BABAM2: variants seen among roughly 807,000 people sequenced by gnomAD.
BABAM2 encodes BRISC and BRCA1 A complex member 2.
A neutral mutation model predicts 54.7 loss-of-function variants in BABAM2; 31 were observed. The observed-to-expected ratio is 0.57, with a 90% confidence interval of 0.43 to 0.77. The LOEUF is 0.77. Ranked by LOEUF, BABAM2 falls within the 30% of genes least tolerant of loss-of-function variation. The pLI, the probability that BABAM2 is intolerant of heterozygous loss-of-function variation, is 0.00. For missense variants in BABAM2, 364 were observed against 455.8 expected, an observed-to-expected ratio of 0.80 and a Z score of 1.83; for synonymous variants, 167 against 162.9, an observed-to-expected ratio of 1.03 and a Z score of -0.19.
chr2:28,007,708 A>G (rs1399760171), intron 4 of BABAM2, among the ~76,000 whole-genome samples: 1 of 152,122 alleles, frequency 6.6e-6, no homozygotes. Flanking sequence ...TTTCATTTTT[A>G]TAACTATTTT....
chr2:28,308,585 C>T (rs1298226459), intron 11 of BABAM2: 4 of 438,480 alleles, frequency 9.1e-6, no homozygotes, highest in South Asian at 5.5e-5. Flanking sequence ...ATCATCTAAA[C>T]TGAATCCAGC....
At chr2:28,296,081 C>A (rs1340939816) in intron 10 of BABAM2, among the ~76,000 whole-genome samples, 1 of 152,072 alleles carries the variant, frequency 6.6e-6, no homozygotes, top group Non-Finnish European at 1.5e-5. Flanking sequence ...TGCACTCCAT[C>A]CAGCCTGGGC....
intron 10 of BABAM2, among the ~76,000 whole-genome samples, chr2:28,258,580 G>A (rs1353197216): frequency 1.3e-5 from 2 of 149,058 alleles, no homozygotes; most frequent in Non-Finnish European, 3.0e-5. Context: ...GTTAATTTGT[G>A]AAGCATCTGC....
chr2:28,320,024 C>T (rs943283887), intron 11 of BABAM2, among the ~76,000 whole-genome samples: 1 of 152,262 alleles, frequency 6.6e-6, no homozygotes, highest in East Asian at 1.9e-4. Flanking sequence ...CTGTGATGAA[C>T]TCTGTGGGTG....
intron 5 of BABAM2, among the ~76,000 whole-genome samples, chr2:28,033,825 T>G (rs1676472321): frequency 6.6e-6 from 1 of 151,914 alleles, no homozygotes; most frequent in Admixed American, 6.6e-5. Context: ...ATATGAAATG[T>G]AAGTTTTGAG....
chr2:28,001,533 A>G (rs1169284075), intron 4 of BABAM2, among the ~76,000 whole-genome samples: 1 of 152,210 alleles, frequency 6.6e-6, no homozygotes, highest in Non-Finnish European at 1.5e-5. Flanking sequence ...CTGTGATACA[A>G]GGTAGAAAAG....
intron 6 of BABAM2, among the ~76,000 whole-genome samples, chr2:28,071,925 AGT>A (rs1664179267): frequency 6.6e-6 from 1 of 152,172 alleles, no homozygotes. Context: ...ACATGGCCCT[AGT>A]AGTCTTTGAT....
intron 9 of BABAM2, among the ~76,000 whole-genome samples, chr2:28,241,653 C>T (rs566513101): frequency 6.6e-6 from 1 of 152,226 alleles, no homozygotes; most frequent in East Asian, 1.9e-4. Context: ...GGCCACCACA[C>T]CCAGCAAATT....
intron 7 of BABAM2, among the ~76,000 whole-genome samples, chr2:28,184,405 T>G (rs1676049128): frequency 1.3e-5 from 2 of 151,770 alleles, no homozygotes; most frequent in Non-Finnish European, 2.9e-5. Context: ...TGTATACATG[T>G]GCTGTGTTGG....
intron 7 of BABAM2, among the ~76,000 whole-genome samples, chr2:28,141,714 C>T (rs1671078778): frequency 6.6e-6 from 1 of 152,188 alleles, no homozygotes. Flanking sequence ...ACTGGTCCTT[C>T]CAGGGCCCCT....
rs111538382 is a variant in BABAM2 at position 28,042,344 on chromosome 2, C to G, written c.496-3381C>G. ...ATGAGCCTGAATGAGATCATCTGGG[C>G]ATGTAAATAAAGAAAAGGGTCTTAG... On this transcript the variant is annotated intron_variant, in intron 5 of 11. Coordinates refer to ENST00000379624, the MANE Select transcript of BABAM2 (RefSeq NM_199191.3). Among the ~76,000 whole-genome samples the G allele has an allele frequency of 3.9e-5, 6 of 152,152 alleles. No homozygotes were observed. The East Asian group carries it at 1.2e-3, about 29-fold the overall frequency.
At chr2:27,972,687 T>C (rs950720036) in intron 3 of BABAM2, among the ~76,000 whole-genome samples, 3 of 152,054 alleles carry the variant, frequency 2.0e-5, no homozygotes, top group Admixed American at 6.5e-5. Flanking sequence ...ATTGATGACA[T>C]GTTGAAATGG....
intron 6 of BABAM2, among the ~76,000 whole-genome samples, chr2:28,047,565 A>G (rs1237807424): frequency 6.6e-6 from 1 of 152,052 alleles, no homozygotes; most frequent in African/African-American, 2.4e-5. Context: ...TTGGCTCATA[A>G]TCTCATATTT....
At chr2:28,253,583 G>A (rs1176250493) in intron 10 of BABAM2, among the ~76,000 whole-genome samples, 1 of 152,132 alleles carries the variant, frequency 6.6e-6, no homozygotes, top group Non-Finnish European at 1.5e-5. Context: ...TTTAAATCCA[G>A]GAATAGACTC....
chr2:28,014,274 A>G (rs1248574469), intron 4 of BABAM2, among the ~76,000 whole-genome samples: 2 of 152,170 alleles, frequency 1.3e-5, no homozygotes, highest in Non-Finnish European at 2.9e-5. Context: ...ATTTGATAAA[A>G]CTCCAACCAA....
intron 7 of BABAM2, chr2:28,233,092 G>A (rs974708363): frequency 1.4e-5 from 5 of 368,324 alleles, no homozygotes; most frequent in Admixed American, 7.7e-5. Context: ...CATGAAGAGA[G>A]AGAAGGTACC....
chr2:28,194,742 G>A (rs1216851036), intron 7 of BABAM2, among the ~76,000 whole-genome samples: 1 of 151,978 alleles, frequency 6.6e-6, no homozygotes, highest in South Asian at 2.1e-4. Flanking sequence ...TGTATTTTTA[G>A]TAGAGATGGG....
rs552326765 is a variant in BABAM2, at chr2:28,020,888, A to T, written c.301-4338A>T. Reference sequence around the variant, plus strand: ...TTTTAGTTATTTGCAGATTAGCTAGATTCCCAGAAATAAGATTTCTAGAGG... The same window carrying T: ...TTTTAGTTATTTGCAGATTAGCTAGTTTCCCAGAAATAAGATTTCTAGAGG... On this transcript the variant is annotated intron_variant, in intron 4 of 11. Transcript: ENST00000379624. Among the ~76,000 whole-genome samples, 7 of 151,998 alleles carry T rather than the reference A, an allele frequency of 4.6e-5. No homozygotes were observed. The South Asian group carries it at 1.2e-3, about 27-fold the overall frequency.
intron 10 of BABAM2, among the ~76,000 whole-genome samples, chr2:28,258,610 C>CTTTTTTTTTTTTTT (rs1558478910): frequency 7.6e-5 from 2 of 26,276 alleles, no homozygotes; most frequent in African/African-American, 1.1e-4. Context: ...TTTCTTTTTT[C>CTTTTTTTTTTTTTT]TTTTCTTTTT....
Sources: gnomAD v4.1 joint callset for allele counts (sites outside exome capture counted in the v4.1 genomes callset) on GRCh38, gnomAD v4.1.1 for gene constraint, MANE v1.5 for transcripts, NCBI Gene and HGNC (gene_info 2026-07-23, HGNC 2026-07-21) for gene names.